CDHR1: variants seen among roughly 807,000 people sequenced by gnomAD.
CDHR1 encodes the protein cadherin-related family member 1.
Under a neutral mutation model 72.1 loss-of-function variants are expected in CDHR1, and 61 were observed. The ratio of observed to expected loss-of-function variants is 0.85; its 90% CI spans 0.69 to 1.05. The LOEUF (loss-of-function observed/expected upper bound fraction) is 1.05, where lower values mean the gene tolerates loss of function less well. Ranked by LOEUF, CDHR1 falls within the 50% of genes least tolerant of loss-of-function variation. CDHR1 has a pLI of 0.00. For synonymous variants in CDHR1, 470 were observed against 448.1 expected (o/e 1.05, Z -0.62); for missense variants, 1,186 against 1,115.7 (o/e 1.06, Z -0.90).
rs541922920 is a variant in CDHR1, at chr10:84,218,648, A to G, written c.*4027A>G. On this transcript the variant is annotated 3_prime_UTR_variant, in exon 17 of 17. Coordinates refer to ENST00000623527, the MANE Select transcript of CDHR1 (RefSeq NM_033100.4). Reference sequence around the variant, plus strand: ...TCAAAGGCATTTGCCTTAAACTTGTATGGTCTAAACTCTAAATAAATAAGC... The same window carrying G: ...TCAAAGGCATTTGCCTTAAACTTGTGTGGTCTAAACTCTAAATAAATAAGC... The G allele has an allele frequency of 6.2e-5, 61 of 986,116 alleles. No homozygotes were observed. The South Asian group carries it at 2.6e-3, about 43-fold the overall frequency. 61.1% of individuals were successfully genotyped at this position (986,116 alleles called of 1,614,324 possible).
At chr10:84,208,633 T>A (rs570350059) in intron 11 of CDHR1, 96 bp from the exon 12 acceptor site, 11 of 1,297,142 alleles carry the variant, frequency 8.5e-6, no homozygotes, top group Non-Finnish European at 1.1e-5. Flanking sequence ...TAATAATATC[T>A]CCCAGGGTTA....
intron 9 of CDHR1, among the ~76,000 whole-genome samples, chr10:84,205,514 T>TCACACATA (rs1842207825): frequency 6.9e-6 from 1 of 145,004 alleles, no homozygotes; most frequent in African/African-American, 2.6e-5. Context: ...TCTCTTTTCT[T>TCACACATA]CACACACACA....
Position 84,216,315 on chromosome 10 carries a change from T to C in CDHR1, c.*1694T>C, listed in dbSNP as rs140640986. ...AGTGTGCAGAATCCTTGCTGGGGTT[T>C]CTACAGTCCCCAACGTGAACAGTAT... On this transcript the variant is annotated 3_prime_UTR_variant, in exon 17 of 17. Coordinates refer to ENST00000623527, the MANE Select transcript of CDHR1 (RefSeq NM_033100.4). The C allele has an allele frequency of 1.1e-3, 1,051 of 985,500 alleles. 13 individuals carry two copies. In the African/African-American group the frequency reaches 0.017, roughly 16 times the overall value. 61.0% of individuals were successfully genotyped at this position (985,500 alleles called of 1,614,324 possible). A position where few individuals can be genotyped will look rare whatever the true frequency, so the allele number is the denominator to read the frequency against.
intron 12 of CDHR1, 85 bp downstream of exon 12, chr10:84,208,966 C>A: frequency 7.2e-7 from 1 of 1,388,542 alleles, no homozygotes; most frequent in Admixed American, 1.9e-5. Context: ...TGAGGGGTCT[C>A]TTGTCACTCT....
intron 7 of CDHR1, among the ~76,000 whole-genome samples, chr10:84,202,265 CCT>C (rs770550692): frequency 4.6e-5 from 7 of 152,186 alleles, no homozygotes; most frequent in Non-Finnish European, 7.3e-5. Flanking sequence ...CCCACCTCCT[CCT>C]CTCTGTGTGC....
chr10:84,197,747 C>G, intron 3 of CDHR1, 39 bp from the exon 4 acceptor site: 2 of 1,600,636 alleles, frequency 1.2e-6, no homozygotes, highest in Non-Finnish European at 1.7e-6. Flanking sequence ...TATGGCGTGT[C>G]AGACTCCTGG....
At chr10:84,202,957 T>C in intron 7 of CDHR1, 23 bp from the exon 8 acceptor site, 1 of 1,614,156 alleles carries the variant, frequency 6.2e-7, no homozygotes. Context: ...TTCACTCTCC[T>C]GTGGCCTCCG....
At position 84,214,546 on chromosome 10, in the gene CDHR1, C is replaced by G. The variant is rs201240638; in HGVS notation, c.2505C>G (p.Pro835=). The part of the protein sequence containing the change: ...PPPKPKTMGS[P]VQSTLISELK... ...CAAAACCCAAAACTATGGGAAGCCC[C>G]GTCCAGTCAACTCTGATCTCTGAGC... Residue 835 remains proline, a synonymous_variant, in exon 17 of 17, where the codon CCC becomes CCG. Coordinates refer to ENST00000623527, the MANE Select transcript of CDHR1 (RefSeq NM_033100.4). 17 of 1,601,888 alleles carry G rather than the reference C, an allele frequency of 1.1e-5. No homozygotes were observed. In the Admixed American group the frequency reaches 2.3e-4, roughly 22 times the overall value.
chr10:84,216,576 G>C lies in CDHR1; in HGVS notation c.*1955G>C, dbSNP rs751117353. 2 of 985,382 alleles carry C rather than the reference G, an allele frequency of 2.0e-6. No individual in the cohort carries two copies. The highest frequency in any genetic ancestry group is 1.7e-5 in the African/African-American group (1 of 57,264). The allele number at this position is 985,382 out of a possible 1,614,324, so 61.0% of individuals were successfully genotyped here. ...TCATTTATGTTTGCTGACCTGTGGA[G>C]ACCAGTCTTTCTGACACACAGTGAA... On this transcript the variant is annotated 3_prime_UTR_variant, in exon 17 of 17. Coordinates refer to ENST00000623527, the MANE Select transcript of CDHR1 (RefSeq NM_033100.4).
At chr10:84,199,537 T>G (rs1842086520) in intron 5 of CDHR1, among the ~76,000 whole-genome samples, 1 of 152,242 alleles carries the variant, frequency 6.6e-6, no homozygotes, top group Non-Finnish European at 1.5e-5. Flanking sequence ...ATAAGCATTT[T>G]CCTCATTAAT....
chr10:84,213,005 C>T, intron 15 of CDHR1, 86 bp from the exon 16 acceptor site: 1 of 1,544,452 alleles, frequency 6.5e-7, no homozygotes, highest in Non-Finnish European at 8.9e-7. Context: ...ATCAACCCAG[C>T]AAGCCCCATA....
intron 9 of CDHR1, among the ~76,000 whole-genome samples, chr10:84,205,064 G>A (rs1374417355): frequency 6.6e-6 from 1 of 152,186 alleles, no homozygotes; most frequent in Non-Finnish European, 1.5e-5. Context: ...CAGAGAAGCT[G>A]AGTAGGCATC....
chr10:84,208,961 G>A (rs1040112636), intron 12 of CDHR1, 80 bp downstream of exon 12: 1 of 1,446,880 alleles, frequency 6.9e-7, no homozygotes, highest in Admixed American at 1.9e-5. Context: ...ATTCCTGAGG[G>A]GTCTCTTGTC....
chr10:84,208,885 G>A lies in CDHR1; in HGVS notation c.1320+4G>A. The A allele has an allele frequency of 6.2e-6, 10 of 1,613,424 alleles. No homozygotes were observed. The highest frequency in any genetic ancestry group is 6.8e-6 in the Non-Finnish European group (8 of 1,179,614). On this transcript the variant is annotated splice_donor_region_variant and intron_variant, in intron 12 of 16. Transcript: ENST00000623527. Reference sequence around the variant, plus strand: ...GTCCAAAGTATTAACCTTCAAGGTAGGTGGTGCCCTGAATTCACTGCCCTG... The same window carrying A: ...GTCCAAAGTATTAACCTTCAAGGTAAGTGGTGCCCTGAATTCACTGCCCTG...
At position 84,194,738 on chromosome 10, in the gene CDHR1, C is replaced by A. The variant is rs1461665569; in HGVS notation, c.-23C>A. On this transcript the variant is annotated 5_prime_UTR_variant, in exon 1 of 17. Coordinates refer to ENST00000623527, the MANE Select transcript of CDHR1 (RefSeq NM_033100.4). ...TGCGCCCGGTCTCGGCGGCGGCAGG[C>A]GACACTCCGCGCCGGCGGAGACATG... The A allele has an allele frequency of 3.4e-6, 5 of 1,484,076 alleles. No homozygotes were observed. Among genetic ancestry groups the A allele is most frequent in the East Asian group, 5.3e-5 (2 of 37,474 alleles). The allele number at this position is 1,484,076 out of a possible 1,614,324, so 91.9% of individuals were successfully genotyped here. A position where few individuals can be genotyped will look rare whatever the true frequency, so the allele number is the denominator to read the frequency against.
chr10:84,201,981 TA>T, intron 7 of CDHR1, 61 bp downstream of exon 7: 1 of 1,318,404 alleles, frequency 7.6e-7, no homozygotes, highest in Non-Finnish European at 1.1e-6. Flanking sequence ...GGAACCAAGT[TA>T]GGTTCTACAG....
chr10:84,211,532 G>C lies in CDHR1; in HGVS notation c.1486-116G>C, dbSNP rs141028101. On this transcript the variant is annotated intron_variant, in intron 13 of 16. Transcript: ENST00000623527. ...AGGTCTCTCCACCAATTTCTCCCCA[G>C]TTGGGCAAACCCCAAATCCCCTTGC... is the stretch of plus-strand genomic sequence containing the variant. 3.8e-5 allele frequency: 36 copies of C among 952,012 alleles called. No individual in the cohort carries two copies. The East Asian group carries it at 8.7e-4, about 23-fold the overall frequency. 59.0% of individuals were successfully genotyped at this position (952,012 alleles called of 1,614,324 possible). A position where few individuals can be genotyped will look rare whatever the true frequency, so the allele number is the denominator to read the frequency against.
At chr10:84,202,540 C>T (rs551200541) in intron 7 of CDHR1, among the ~76,000 whole-genome samples, 56 of 152,224 alleles carry the variant, frequency 3.7e-4, no homozygotes, top group Non-Finnish European at 6.5e-4. Flanking sequence ...GAGTCAGCCT[C>T]GCCTGCCCAT....
At chr10:84,206,001 C>T (rs762064155) in intron 10 of CDHR1, 74 bp downstream of exon 10, 18 of 1,133,570 alleles carry the variant, frequency 1.6e-5, no homozygotes, top group Non-Finnish European at 2.4e-5. Flanking sequence ...GACACCCAGG[C>T]CCTTTTTCCT....
Sources: allele counts gnomAD v4.1 joint callset (sites outside exome capture counted in the v4.1 genomes callset), GRCh38; gene constraint gnomAD v4.1.1; transcripts MANE v1.5; gene names NCBI Gene and HGNC (gene_info 2026-07-23, HGNC 2026-07-21).